Variants in LDAH observed in about 807,000 individuals in gnomAD.
The protein encoded by LDAH is lipid droplet-associated hydrolase.
Under a neutral mutation model 29.6 loss-of-function variants are expected in LDAH, and 26 were observed. That is an observed-to-expected ratio of 0.88 (90% confidence interval 0.64 to 1.22). The LOEUF is 1.22. Ranked by LOEUF, LDAH falls within the 50% of genes most tolerant of loss-of-function variation. LDAH has a pLI of 0.00. For synonymous variants in LDAH, 117 were observed against 133.0 expected (o/e 0.88, Z 0.83); for missense variants, 344 against 387.3 (o/e 0.89, Z 0.94).
chr2:20,771,181 G>T (rs1173900256), intron 4 of LDAH, among the ~76,000 whole-genome samples: 2 of 151,900 alleles, frequency 1.3e-5, no homozygotes, highest in Admixed American at 6.6e-5. Flanking sequence ...TAAAATACAG[G>T]TCAGACAGTA....
At chr2:20,687,705 G>A (rs1662670126) in intron 6 of LDAH, among the ~76,000 whole-genome samples, 1 of 152,174 alleles carries the variant, frequency 6.6e-6, no homozygotes, top group Non-Finnish European at 1.5e-5. Flanking sequence ...AATGGAGACA[G>A]AGCCTCCTCT....
In LDAH at chr2:20,760,619, T is replaced by C. The variant is rs138425265; in HGVS notation, c.468+14191A>G. ...AGCATCAAGGATTTCAGTTTTTTTG[T>C]TGGATGTTGACGGAAGGCAGCTTTC... is the stretch of plus-strand genomic sequence containing the variant. On this transcript the variant is annotated intron_variant, in intron 4 of 6. Transcript: ENST00000237822. Among the ~76,000 whole-genome samples, 447 of 152,334 alleles carry C rather than the reference T, an allele frequency of 2.9e-3. 2 individuals carry two copies. Among genetic ancestry groups the C allele is most frequent in the African/African-American group, 9.0e-3 (374 of 41,576 alleles).
intron 5 of LDAH, among the ~76,000 whole-genome samples, chr2:20,737,936 C>T (rs1201285742): frequency 6.6e-6 from 1 of 152,020 alleles, no homozygotes; most frequent in Non-Finnish European, 1.5e-5. Context: ...AAAGGCATTC[C>T]TAATTTTGCT....
chr2:20,742,935 A>G (rs1572525324), intron 4 of LDAH, among the ~76,000 whole-genome samples: 2 of 150,796 alleles, frequency 1.3e-5, no homozygotes, highest in African/African-American at 4.9e-5. Flanking sequence ...AATTTTTCAA[A>G]TTTTTTGTAG....
At chr2:20,717,947 T>C (rs568829885) in intron 5 of LDAH, among the ~76,000 whole-genome samples, 3 of 152,314 alleles carry the variant, frequency 2.0e-5, no homozygotes, top group African/African-American at 7.2e-5. Flanking sequence ...ACAAAAACAT[T>C]AGCTTAGTTA....
At chr2:20,730,518 A>G (rs971320677) in intron 5 of LDAH, among the ~76,000 whole-genome samples, 3 of 152,124 alleles carry the variant, frequency 2.0e-5, no homozygotes, top group Non-Finnish European at 4.4e-5. Flanking sequence ...TAGGTGTGTA[A>G]TGATATCTCA....
chr2:20,795,132 G>A (rs1671222201), intron 2 of LDAH, among the ~76,000 whole-genome samples: 2 of 152,154 alleles, frequency 1.3e-5, no homozygotes, highest in Admixed American at 1.3e-4. Context: ...ATAAAAATGT[G>A]TTATAAACAC....
At chr2:20,710,698 CATATATACACATATATTATACAT>C (rs1396308786) in intron 5 of LDAH, among the ~76,000 whole-genome samples, 1 of 144,168 alleles carries the variant, frequency 6.9e-6, no homozygotes, top group African/African-American at 2.5e-5. Flanking sequence ...ATATATTATA[CATATATACACATATATTATACAT>C]ATATATACAT....
intron 4 of LDAH, among the ~76,000 whole-genome samples, chr2:20,745,835 C>T (rs751016476): frequency 5.3e-5 from 8 of 152,036 alleles, no homozygotes; most frequent in Non-Finnish European, 1.0e-4. Context: ...AGTCCTATGA[C>T]GGGGCAGATA....
chr2:20,690,120 C>A (rs1662889702), intron 6 of LDAH, among the ~76,000 whole-genome samples: 1 of 152,178 alleles, frequency 6.6e-6, no homozygotes, highest in Non-Finnish European at 1.5e-5. Flanking sequence ...GATAAGCCCT[C>A]AGCACTGAGC....
At position 20,783,961 on chromosome 2, in the gene LDAH, C is replaced by T. The variant is rs184487027; in HGVS notation, c.298+6294G>A. 2.8e-4 allele frequency among the ~76,000 whole-genome samples: 42 copies of T among 152,298 alleles called. No homozygotes were observed. In the East Asian group the frequency reaches 5.6e-3, roughly 20 times the overall value. On this transcript the variant is annotated intron_variant, in intron 3 of 6. Transcript: ENST00000237822. ...CTCCTAGGCTCAAGCAATCTGTTGA[C>T]CTCGTCCTCCCAAAGTGCTGGAATT... is the stretch of plus-strand genomic sequence containing the variant.
Position 20,684,316 on chromosome 2 carries a change from C to G in LDAH, c.*2587G>C, listed in dbSNP as rs1325083317. On this transcript the variant is annotated 3_prime_UTR_variant, in exon 7 of 7. Coordinates refer to ENST00000237822, the MANE Select transcript of LDAH (RefSeq NM_021925.4). ...ATTGTCTCAACAATGTCTTTTATAA[C>G]AAAAACATCCAATTCAGAATCAGAT... The G allele has an allele frequency of 6.6e-6, 1 of 152,048 alleles. No individual in the cohort carries two copies. The highest frequency in any genetic ancestry group is 1.5e-5 in the Non-Finnish European group (1 of 68,006). 9.4% of individuals were successfully genotyped at this position (152,048 alleles called of 1,614,324 possible).
intron 5 of LDAH, among the ~76,000 whole-genome samples, chr2:20,726,969 C>T (rs969000344): frequency 1.3e-5 from 2 of 152,210 alleles, no homozygotes; most frequent in Admixed American, 6.5e-5. Flanking sequence ...TAGTACCACA[C>T]TAATCACCTC....
chr2:20,699,588 T>C (rs1469259155), intron 6 of LDAH, among the ~76,000 whole-genome samples: 2 of 152,212 alleles, frequency 1.3e-5, no homozygotes, highest in Admixed American at 6.5e-5. Flanking sequence ...GGATAATGAA[T>C]TAACTGCAAG....
intron 5 of LDAH, among the ~76,000 whole-genome samples, chr2:20,716,576 G>A (rs868582102): frequency 3.4e-4 from 50 of 149,166 alleles, no homozygotes; most frequent in African/African-American, 1.1e-3. Flanking sequence ...GGGGCCTGTC[G>A]TGGGGTGGGG....
At chr2:20,694,823 C>T (rs576437455) in intron 6 of LDAH, among the ~76,000 whole-genome samples, 2 of 152,320 alleles carry the variant, frequency 1.3e-5, no homozygotes, top group East Asian at 1.9e-4. Context: ...CTCTCCTTTC[C>T]GTGTGGCTAA....
intron 6 of LDAH, among the ~76,000 whole-genome samples, chr2:20,696,893 T>A (rs1438868956): frequency 6.6e-6 from 1 of 152,024 alleles, no homozygotes; most frequent in East Asian, 1.9e-4. Flanking sequence ...TCCCCTCCCA[T>A]CTTATTCATT....
chr2:20,712,511 T>C (rs1452698804), intron 5 of LDAH, among the ~76,000 whole-genome samples: 1 of 152,112 alleles, frequency 6.6e-6, no homozygotes. Context: ...TCGCCAGCAA[T>C]GGAACAAAGC....
Position 20,819,080 on chromosome 2 carries a change from G to C in LDAH, c.-3+3957C>G, listed in dbSNP as rs1673062731. Among the ~76,000 whole-genome samples, 3 of 152,156 alleles carry C rather than the reference G, an allele frequency of 2.0e-5. No individual in the cohort carries two copies. The South Asian group carries it at 6.2e-4, about 32-fold the overall frequency. On this transcript the variant is annotated intron_variant, in intron 1 of 6. Coordinates refer to ENST00000237822, the MANE Select transcript of LDAH (RefSeq NM_021925.4). The stretch of plus-strand genomic sequence containing the variant: ...GAAGATAAAATCTATGACTACTGCT[G>C]AGGACATATTAAAAACGAAACCACA...
Sources: gnomAD v4.1 joint callset for allele counts (sites outside exome capture counted in the v4.1 genomes callset) on GRCh38, gnomAD v4.1.1 for gene constraint, MANE v1.5 for transcripts, NCBI Gene and HGNC (gene_info 2026-07-23, HGNC 2026-07-21) for gene names.